The following CIB4 variants were observed in gnomAD, a reference collection of about 807,000 sequenced individuals.
CIB4 encodes calcium and integrin-binding family member 4.
In CIB4, 25 loss-of-function variants were observed where a neutral mutation model predicts 25.8. The observed-to-expected ratio is 0.97, with a 90% CI of 0.71 to 1.35. The LOEUF is 1.35. Ranked by LOEUF, CIB4 falls within the 40% of genes most tolerant of loss-of-function variation. CIB4 has a pLI of 0.00. For synonymous variants in CIB4, 75 were observed against 81.4 expected (o/e 0.92, Z 0.42); for missense variants, 235 against 228.2 (o/e 1.03, Z -0.19).
At chr2:26,625,588 G>C (rs550407838) in intron 3 of CIB4, among the ~76,000 whole-genome samples, 2 of 152,280 alleles carry the variant, frequency 1.3e-5, no homozygotes, top group African/African-American at 4.8e-5. Flanking sequence ...CCAACCTCAG[G>C]TGATCCACCC....
Position 26,581,220 on chromosome 2 carries a change from T to G in CIB4, c.*143A>C, listed in dbSNP as rs926503307. Reference sequence around the variant, plus strand: ...TCTGATGGGCTAAGGAAAAGCTTTTTCTTTTATCTAATAAACAATATTCTA... The same window carrying G: ...TCTGATGGGCTAAGGAAAAGCTTTTGCTTTTATCTAATAAACAATATTCTA... On this transcript the variant is annotated 3_prime_UTR_variant, in exon 7 of 7. Coordinates refer to ENST00000288861, the MANE Select transcript of CIB4 (RefSeq NM_001029881.3). 1 of 676,826 alleles carries G rather than the reference T, an allele frequency of 1.5e-6. No homozygotes were observed. Among genetic ancestry groups the G allele is most frequent in the African/African-American group, 1.8e-5 (1 of 55,294 alleles). The allele number at this position is 676,826 out of a possible 1,614,324, so 41.9% of individuals were successfully genotyped here.
intron 4 of CIB4, among the ~76,000 whole-genome samples, chr2:26,584,844 T>C (rs1384444087): frequency 2.6e-5 from 4 of 152,074 alleles, no homozygotes. Context: ...GCACCGGGAC[T>C]TCCCAGACTT....
rs531379441 is a variant in CIB4 at position 26,628,424 on chromosome 2, G to A, written c.186+986C>T. Among the ~76,000 whole-genome samples, 6 of 152,210 alleles carry A rather than the reference G, an allele frequency of 3.9e-5. No individual in the cohort carries two copies. The South Asian group carries it at 1.0e-3, about 26-fold the overall frequency. On this transcript the variant is annotated intron_variant, in intron 3 of 6. Transcript: ENST00000288861. Reference sequence around the variant, plus strand: ...TTTACAGGTGAGGAAACCAAGACCAGGGAAGGTTTGCCAAGGACCCATCCA... The same window carrying A: ...TTTACAGGTGAGGAAACCAAGACCAAGGAAGGTTTGCCAAGGACCCATCCA...
At chr2:26,633,654 A>C (rs1376092256) in intron 2 of CIB4, among the ~76,000 whole-genome samples, 2 of 152,218 alleles carry the variant, frequency 1.3e-5, no homozygotes. Flanking sequence ...AATATGGATC[A>C]GCTGGCTCTA....
chr2:26,609,820 T>G (rs1448771955), intron 3 of CIB4, among the ~76,000 whole-genome samples: 1 of 152,128 alleles, frequency 6.6e-6, no homozygotes, highest in Non-Finnish European at 1.5e-5. Flanking sequence ...AGTTTATACG[T>G]TTTCCCACGG....
intron 2 of CIB4, among the ~76,000 whole-genome samples, chr2:26,631,303 C>T (rs1326897475): frequency 1.3e-5 from 2 of 152,096 alleles, no homozygotes; most frequent in African/African-American, 4.8e-5. Context: ...AGGGAGACCC[C>T]ATTTCTACAA....
intron 3 of CIB4, among the ~76,000 whole-genome samples, chr2:26,614,041 G>A (rs1455350031): frequency 1.3e-5 from 2 of 151,260 alleles, no homozygotes; most frequent in Non-Finnish European, 2.9e-5. Flanking sequence ...GCAGGCCCAG[G>A]GCCTGCAGAG....
At chr2:26,623,555 G>A (rs779317413) in intron 3 of CIB4, 17 of 471,436 alleles carry the variant, frequency 3.6e-5, no homozygotes, top group South Asian at 2.6e-4. Flanking sequence ...AACTTTGGGA[G>A]ATACATAGAA....
At chr2:26,596,434 A>T (rs997299275) in intron 3 of CIB4, among the ~76,000 whole-genome samples, 4 of 150,594 alleles carry the variant, frequency 2.7e-5, no homozygotes, top group African/African-American at 7.3e-5. Flanking sequence ...GTTCTTTTTT[A>T]AAAAAGAGTT....
At chr2:26,589,841 A>T (rs993169138) in intron 4 of CIB4, among the ~76,000 whole-genome samples, 2 of 152,146 alleles carry the variant, frequency 1.3e-5, no homozygotes, top group Non-Finnish European at 2.9e-5. Context: ...AGGAGAGTGG[A>T]CTTAGCTGCA....
At chr2:26,636,848 AT>A (rs2148228667) in intron 2 of CIB4, among the ~76,000 whole-genome samples, 1 of 152,196 alleles carries the variant, frequency 6.6e-6, no homozygotes, top group East Asian at 1.9e-4. Context: ...AGCTATTCTC[AT>A]TCCTGATTCT....
At chr2:26,635,477 A>G (rs1351911249) in intron 2 of CIB4, among the ~76,000 whole-genome samples, 2 of 152,210 alleles carry the variant, frequency 1.3e-5, no homozygotes, top group Admixed American at 1.3e-4. Context: ...AGTCCATCCA[A>G]CTGTACTGCC....
intron 3 of CIB4, among the ~76,000 whole-genome samples, chr2:26,617,120 A>ATGTGTGTGTGTGTGTGTGTGTG (rs3220777): frequency 9.0e-4 from 124 of 137,780 alleles, no homozygotes; most frequent in African/African-American, 2.5e-3. Flanking sequence ...AGAGCATGGA[A>ATGTGTGTGTGTGTGTGTGTGTG]TGTGTGTGTG....
At chr2:26,593,710 T>C (rs72857939) in intron 4 of CIB4, among the ~76,000 whole-genome samples, 9,387 of 152,268 alleles carry the variant, frequency 0.062, 458 homozygotes, top group South Asian at 0.12. Flanking sequence ...GATTGCTGAA[T>C]TTTTGGTTTT....
intron 3 of CIB4, among the ~76,000 whole-genome samples, chr2:26,597,431 A>G (rs1668701267): frequency 6.6e-6 from 1 of 151,962 alleles, no homozygotes; most frequent in Non-Finnish European, 1.5e-5. Flanking sequence ...GCTATTAAAA[A>G]AAAAAAAAAA....
chr2:26,605,652 T>TCATTC (rs1201568361), intron 3 of CIB4: 2 of 436,178 alleles, frequency 4.6e-6, no homozygotes, highest in African/African-American at 4.1e-5. Flanking sequence ...TGGGTCAGCA[T>TCATTC]CATTCAGTCA....
intron 4 of CIB4, among the ~76,000 whole-genome samples, chr2:26,590,258 TAAAAAAAAAAA>T (rs869097756): frequency 1.6e-4 from 10 of 61,830 alleles, no homozygotes; most frequent in South Asian, 9.2e-4. Context: ...CAAGCATCTG[TAAAAAAAAAAA>T]AAAAAAAAAA....
At chr2:26,590,258 T>TTAAA (rs1464483097) in intron 4 of CIB4, among the ~76,000 whole-genome samples, 1 of 61,824 alleles carries the variant, frequency 1.6e-5, no homozygotes, top group Non-Finnish European at 2.6e-5. Context: ...CAAGCATCTG[T>TTAAA]AAAAAAAAAA....
chr2:26,607,791 G>T (rs1395426655), intron 3 of CIB4, among the ~76,000 whole-genome samples: 3 of 152,214 alleles, frequency 2.0e-5, no homozygotes, highest in Admixed American at 1.3e-4. Context: ...TGTTACCTGG[G>T]CCAGCGTGTG....
Sources: allele counts gnomAD v4.1 joint callset (sites outside exome capture counted in the v4.1 genomes callset), GRCh38; gene constraint gnomAD v4.1.1; transcripts MANE v1.5; gene names NCBI Gene and HGNC (gene_info 2026-07-23, HGNC 2026-07-21).